Variants in SEMA5A observed in about 807,000 individuals in gnomAD.
SEMA5A encodes semaphorin-5A.
SEMA5A carries 55 observed loss-of-function variants against 135.5 expected under a neutral mutation model. The observed-to-expected ratio is 0.41, with a 90% confidence interval of 0.33 to 0.51. The LOEUF (loss-of-function observed/expected upper bound fraction) is 0.51. Among genes scored for constraint, SEMA5A ranks in the 20% least tolerant of loss-of-function variants. The pLI is 0.37. For missense variants in SEMA5A, 1,290 were observed against 1,419.9 expected, an observed-to-expected ratio of 0.91 and a Z score of 1.47; for synonymous variants, 580 against 546.5, an observed-to-expected ratio of 1.06 and a Z score of -0.85.
In SEMA5A at chr5:9,122,828, G is replaced by A. The variant is rs1740887579; in HGVS notation, c.1609C>T (p.Leu537Phe). ...QSISACPTRN[L>F]TVDGHFGVWS... ...ACACCAAAGTGCCCATCCACGGTGAGATTCCTGGTCTAGGAAGCAAAACCA... is the reference window on the plus strand; with the variant it reads ...ACACCAAAGTGCCCATCCACGGTGAAATTCCTGGTCTAGGAAGCAAAACCA... The change falls in exon 14 of 23, where the codon CTC becomes TTC. Residue 537 changes from leucine to phenylalanine, a missense_variant. By Grantham distance (22) the Leu-to-Phe change is conservative. This residue lies in a region of SEMA5A where 1,029 missense variants were observed against 1,086.6 expected (regional missense o/e 0.95). Transcript: ENST00000382496. 3 of 1,598,728 alleles carry A rather than the reference G, an allele frequency of 1.9e-6. No individual in the cohort carries two copies. Among genetic ancestry groups the A allele is most frequent in the Non-Finnish European group, 2.6e-6 (3 of 1,170,446 alleles).
chr5:9,203,933 T>C (rs1330899569), intron 8 of SEMA5A, among the ~76,000 whole-genome samples: 1 of 151,942 alleles, frequency 6.6e-6, no homozygotes, highest in African/African-American at 2.4e-5. Context: ...AGATTACATA[T>C]CTGTAACTTG....
chr5:9,232,602 A>G (rs958762673), intron 6 of SEMA5A, among the ~76,000 whole-genome samples: 1 of 152,206 alleles, frequency 6.6e-6, no homozygotes, highest in Non-Finnish European at 1.5e-5. Flanking sequence ...GTAGAGATAA[A>G]CACTCATATA....
chr5:9,064,203 A>G (rs1245281982), intron 17 of SEMA5A, among the ~76,000 whole-genome samples: 4 of 152,242 alleles, frequency 2.6e-5, no homozygotes, highest in Admixed American at 6.5e-5. Flanking sequence ...AAGAAAAACT[A>G]TGCACAAATC....
At chr5:9,237,748 C>T in intron 6 of SEMA5A, 80 bp downstream of exon 6, 1 of 1,278,072 alleles carries the variant, frequency 7.8e-7, no homozygotes, top group Non-Finnish European at 1.1e-6. Context: ...ATCAGGAATA[C>T]TCTTCATATC....
intron 13 of SEMA5A, among the ~76,000 whole-genome samples, chr5:9,136,107 C>A (rs1396957172): frequency 6.6e-6 from 1 of 152,138 alleles, no homozygotes; most frequent in Non-Finnish European, 1.5e-5. Context: ...TCTCATCTTT[C>A]CTTATGTCAG....
chr5:9,186,723 A>G (rs1014616494), intron 11 of SEMA5A, among the ~76,000 whole-genome samples: 2 of 152,216 alleles, frequency 1.3e-5, no homozygotes, highest in Non-Finnish European at 2.9e-5. Flanking sequence ...AGATATATAT[A>G]TTTTCAAGGT....
chr5:9,326,987 T>G (rs1051675239), intron 4 of SEMA5A, among the ~76,000 whole-genome samples: 1 of 152,204 alleles, frequency 6.6e-6, no homozygotes, highest in Non-Finnish European at 1.5e-5. Context: ...CTTTTCATTA[T>G]GCTGGTCGAC....
At chr5:9,371,675 GA>G in intron 3 of SEMA5A, among the ~76,000 whole-genome samples, 1 of 152,208 alleles carries the variant, frequency 6.6e-6, no homozygotes, top group Non-Finnish European at 1.5e-5. Flanking sequence ...ATGTGATTTT[GA>G]CATTACATCA....
At chr5:9,236,256 G>A (rs1747902934) in intron 6 of SEMA5A, among the ~76,000 whole-genome samples, 1 of 152,184 alleles carries the variant, frequency 6.6e-6, no homozygotes, top group South Asian at 2.1e-4. Context: ...CCCACGGCAG[G>A]CCTTGAGAGC....
chr5:9,484,788 C>G (rs1760014386), intron 1 of SEMA5A, among the ~76,000 whole-genome samples: 2 of 152,232 alleles, frequency 1.3e-5, no homozygotes, highest in African/African-American at 4.8e-5. Flanking sequence ...AATGGATCCA[C>G]AGCACTGGGG....
At chr5:9,118,903 A>C in intron 15 of SEMA5A, 95 bp downstream of exon 15, 1 of 1,455,562 alleles carries the variant, frequency 6.9e-7, no homozygotes. Context: ...ACATAAGCTT[A>C]GGCAGATCCA....
In SEMA5A at chr5:9,048,167, G is replaced by C. The variant is rs1228126955; in HGVS notation, c.2893+2243C>G. On this transcript the variant is annotated intron_variant, in intron 21 of 22. Coordinates refer to ENST00000382496, the MANE Select transcript of SEMA5A (RefSeq NM_003966.3). ...TGGACCCTGGGTGTTGTCCAAGTGT[G>C]TTACCTAACCAGGGCTACTGTGGCT... Among the ~76,000 whole-genome samples, 3 of 152,170 alleles carry C rather than the reference G, an allele frequency of 2.0e-5. No homozygotes were observed. In the East Asian group the frequency reaches 5.8e-4, roughly 29 times the overall value.
chr5:9,310,837 GTA>G (rs916280929), intron 5 of SEMA5A, among the ~76,000 whole-genome samples: 182 of 147,120 alleles, frequency 1.2e-3, no homozygotes, highest in African/African-American at 4.0e-3. Flanking sequence ...ATGTATATGT[GTA>G]TATATATACA....
chr5:9,337,873 A>C, intron 3 of SEMA5A, 61 bp from the exon 4 acceptor site: 2 of 1,167,154 alleles, frequency 1.7e-6, no homozygotes, highest in Non-Finnish European at 2.5e-6. Context: ...TCTGGGGACC[A>C]CAGATAGTGC....
intron 16 of SEMA5A, among the ~76,000 whole-genome samples, chr5:9,076,585 A>G (rs1330402689): frequency 6.6e-6 from 1 of 152,232 alleles, no homozygotes; most frequent in African/African-American, 2.4e-5. Context: ...CATTATATAC[A>G]TGTAACAATA....
chr5:9,310,238 T>C (rs4235595), intron 5 of SEMA5A, among the ~76,000 whole-genome samples: 151,679 of 152,184 alleles, frequency 1, 75,591 homozygotes, highest in Middle Eastern at 1. Flanking sequence ...CAGCCATAGA[T>C]GTTATGTTAA....
chr5:9,511,396 T>C (rs557939235), intron 1 of SEMA5A: 1 of 152,340 alleles, frequency 6.6e-6, no homozygotes, highest in East Asian at 1.9e-4. Flanking sequence ...TGTTTTCATC[T>C]GGCTAATTCA....
chr5:9,257,710 G>C (rs1423796078), intron 5 of SEMA5A, among the ~76,000 whole-genome samples: 2 of 152,098 alleles, frequency 1.3e-5, no homozygotes, highest in African/African-American at 2.4e-5. Context: ...CACCACTAGT[G>C]GTTCAGAACC....
chr5:9,049,382 G>A (rs925429563), intron 21 of SEMA5A, among the ~76,000 whole-genome samples: 1 of 152,076 alleles, frequency 6.6e-6, no homozygotes, highest in Non-Finnish European at 1.5e-5. Flanking sequence ...GGCTCATCTC[G>A]AACTCCTCCT....
Sources: gnomAD v4.1 joint callset for allele counts (sites outside exome capture counted in the v4.1 genomes callset) on GRCh38, gnomAD v4.1.1 for gene constraint, gnomAD v4.1.1 regional missense constraint, MANE v1.5 for transcripts, NCBI Gene and HGNC (gene_info 2026-07-23, HGNC 2026-07-21) for gene names.